RALB: variants seen among roughly 807,000 people sequenced by gnomAD.
The protein encoded by RALB is RAS like proto-oncogene B.
RALB carries 16 observed loss-of-function variants against 21.3 expected under a neutral mutation model. That is an observed-to-expected ratio of 0.75 (90% CI 0.51 to 1.14). RALB has a LOEUF of 1.14. Ranked by LOEUF, RALB falls within the 50% of genes most tolerant of loss-of-function variation. The pLI is 0.00. For missense variants in RALB, 161 were observed against 256.2 expected (o/e 0.63, Z 2.54); for synonymous variants, 93 against 96.1 (o/e 0.97, Z 0.19).
intron 2 of RALB, among the ~76,000 whole-genome samples, chr2:120,280,144 A>C (rs781425569): frequency 1.3e-5 from 2 of 152,172 alleles, no homozygotes; most frequent in Non-Finnish European, 2.9e-5. Flanking sequence ...TGGGCCAGAA[A>C]AGTCTTTCAG....
intron 1 of RALB, among the ~76,000 whole-genome samples, chr2:120,254,172 C>T (rs944155317): frequency 4.6e-5 from 7 of 152,108 alleles, no homozygotes; most frequent in Non-Finnish European, 1.0e-4. Context: ...GAGAGTTTAC[C>T]GGTGTTGTGA....
intron 1 of RALB, among the ~76,000 whole-genome samples, chr2:120,270,669 T>C (rs1397262785): frequency 2.0e-5 from 3 of 152,248 alleles, no homozygotes; most frequent in Non-Finnish European, 4.4e-5. Flanking sequence ...TCTGTGATTG[T>C]AGGAAAATGT....
In RALB at chr2:120,258,184, G is replaced by A. The variant is rs534431139; in HGVS notation, c.-48+5204G>A. On this transcript the variant is annotated intron_variant, in intron 1 of 4. Transcript: ENST00000272519. ...TGGCTTTCCAGTGCTTTCAGTCAAAGGTCCCAAATCCCTCAACTTGGCCTA... is the reference window on the plus strand; with the variant it reads ...TGGCTTTCCAGTGCTTTCAGTCAAAAGTCCCAAATCCCTCAACTTGGCCTA... Among the ~76,000 whole-genome samples, 6 of 152,304 alleles carry A rather than the reference G, an allele frequency of 3.9e-5. No individual in the cohort carries two copies. The South Asian group carries it at 1.2e-3, about 32-fold the overall frequency.
chr2:120,277,993 G>A (rs1176463536), intron 1 of RALB, among the ~76,000 whole-genome samples: 9 of 149,866 alleles, frequency 6.0e-5, no homozygotes, highest in African/African-American at 2.2e-4. Context: ...ATGTGTGAAT[G>A]TGTGTGCGAG....
intron 1 of RALB, among the ~76,000 whole-genome samples, chr2:120,240,650 T>C (rs533244542): frequency 1.2e-4 from 19 of 152,250 alleles, no homozygotes; most frequent in Admixed American, 1.2e-3. Context: ...ATGTTAAAGC[T>C]TCCCCCTGGA....
At chr2:120,248,759 G>A (rs190587404), upstream of RALB, among the ~76,000 whole-genome samples, 33 of 150,756 alleles carry the variant, frequency 2.2e-4, 1 homozygote, top group Non-Finnish European at 3.5e-4. Context: ...CTCAGCCTCC[G>A]CCTCCTGGAC....
chr2:120,283,773 A>G (rs181107869), intron 2 of RALB, among the ~76,000 whole-genome samples: 1 of 152,350 alleles, frequency 6.6e-6, no homozygotes, highest in Admixed American at 6.5e-5. Flanking sequence ...GGCATCTGAA[A>G]CTGAGCCATG....
chr2:120,250,995 A>C (rs138757047), upstream of RALB, among the ~76,000 whole-genome samples: 18 of 152,346 alleles, frequency 1.2e-4, no homozygotes, highest in Admixed American at 9.8e-4. Context: ...AGCATTTCTC[A>C]GAAAGCCCTG....
chr2:120,247,547 G>A (rs1688990508), intron 1 of RALB, among the ~76,000 whole-genome samples: 1 of 152,136 alleles, frequency 6.6e-6, no homozygotes. Context: ...AGGGAAAAGT[G>A]GTTTTTAAAG....
intron 1 of RALB, among the ~76,000 whole-genome samples, chr2:120,255,910 A>G (rs1225835149): frequency 1.3e-5 from 2 of 152,214 alleles, no homozygotes; most frequent in African/African-American, 4.8e-5. Flanking sequence ...GGCATTTTTT[A>G]TATATAGCAT....
At chr2:120,292,145 C>T (rs1690320085) in intron 4 of RALB, among the ~76,000 whole-genome samples, 1 of 152,184 alleles carries the variant, frequency 6.6e-6, no homozygotes, top group Non-Finnish European at 1.5e-5. Context: ...ATCTAAGTAA[C>T]ACACTGACCT....
intron 3 of RALB, among the ~76,000 whole-genome samples, chr2:120,287,619 C>T (rs1690197448): frequency 6.6e-6 from 1 of 152,204 alleles, no homozygotes; most frequent in Admixed American, 6.5e-5. Context: ...GAGTTCTCTG[C>T]AGAGGATATG....
chr2:120,290,858 C>T (rs541178478), intron 4 of RALB, among the ~76,000 whole-genome samples: 2 of 152,306 alleles, frequency 1.3e-5, no homozygotes, highest in East Asian at 3.9e-4. Context: ...GGCTTTCTGC[C>T]TTGACCTCAT....
At chr2:120,285,181 G>A (rs1690100042) in intron 2 of RALB, among the ~76,000 whole-genome samples, 1 of 152,174 alleles carries the variant, frequency 6.6e-6, no homozygotes, top group African/African-American at 2.4e-5. Context: ...CCAGGAAGAA[G>A]TGCAGAGCGA....
At chr2:120,278,384 G>T (rs928801174) in intron 1 of RALB, among the ~76,000 whole-genome samples, 1 of 152,174 alleles carries the variant, frequency 6.6e-6, no homozygotes, top group South Asian at 2.1e-4. Context: ...TGAGGCGGGC[G>T]TGGGGTGTGC....
At chr2:120,262,062 C>T (rs1230046015) in intron 1 of RALB, among the ~76,000 whole-genome samples, 5 of 151,968 alleles carry the variant, frequency 3.3e-5, no homozygotes, top group African/African-American at 4.8e-5. Context: ...TTGGGGAGGA[C>T]GACAGGAGTT....
rs1321830928 is a variant in RALB at position 120,240,524 on chromosome 2, T to G, written c.19+399T>G. On this transcript the variant is annotated intron_variant, in intron 1 of 3. Coordinates refer to the RALB transcript ENST00000447591. ...CATGTTGCTCAGGCTGGTCTCGAAC[T>G]CCTGGGCTCAAGGATCCGCCTGCCT... 2.0e-5 allele frequency among the ~76,000 whole-genome samples: 3 copies of G among 152,162 alleles called. No individual in the cohort carries two copies. In the East Asian group the frequency reaches 5.8e-4, roughly 29 times the overall value.
intron 1 of RALB, among the ~76,000 whole-genome samples, chr2:120,256,799 T>C (rs1689210431): frequency 6.6e-6 from 1 of 152,170 alleles, no homozygotes; most frequent in African/African-American, 2.4e-5. Flanking sequence ...CCTGGCACAA[T>C]GTGGGAAAGG....
rs146255261 is a variant in RALB, at chr2:120,272,096, C to A, written c.-47-6522C>A. 5.0e-3 allele frequency among the ~76,000 whole-genome samples: 755 copies of A among 152,298 alleles called. 14 individuals are homozygous for A. The highest frequency in any genetic ancestry group is 0.017 in the African/African-American group (716 of 41,552). Reference sequence around the variant, plus strand: ...CTGAGGCTGGAAGTCTGAGACAGGGCACCAGCATGGTTGGGTTCTGGTGAG... The same window carrying A: ...CTGAGGCTGGAAGTCTGAGACAGGGAACCAGCATGGTTGGGTTCTGGTGAG... On this transcript the variant is annotated intron_variant, in intron 1 of 4. Transcript: ENST00000272519.
Sources: allele counts gnomAD v4.1 joint callset (sites outside exome capture counted in the v4.1 genomes callset), GRCh38; gene constraint gnomAD v4.1.1; transcripts MANE v1.5; gene names NCBI Gene and HGNC (gene_info 2026-07-23, HGNC 2026-07-21).